ELMO1: variants seen among roughly 807,000 people sequenced by gnomAD.
ELMO1 encodes engulfment and cell motility 1, also known as engulfment and cell motility protein 1.
ELMO1 carries 26 observed loss-of-function variants against 98.9 expected under a neutral mutation model. The observed-to-expected ratio is 0.26, with a 90% confidence interval of 0.19 to 0.36. The LOEUF (loss-of-function observed/expected upper bound fraction) is 0.36, where lower values mean the gene tolerates loss of function less well. Ranked by LOEUF, ELMO1 falls within the 10% of genes least tolerant of loss-of-function variation. The pLI, the probability that ELMO1 is intolerant of heterozygous loss-of-function variation, is 1.00. For missense variants in ELMO1, 627 were observed against 935.2 expected, an observed-to-expected ratio of 0.67 and a Z score of 4.30; for synonymous variants, 346 against 346.0, an observed-to-expected ratio of 1.00 and a Z score of 0.00.
chr7:37,145,745 G>A (rs984687100), intron 13 of ELMO1, among the ~76,000 whole-genome samples: 2 of 152,220 alleles, frequency 1.3e-5, no homozygotes, highest in Non-Finnish European at 1.5e-5. Context: ...TAATATTTGT[G>A]TTATAATAGC....
intron 16 of ELMO1, among the ~76,000 whole-genome samples, chr7:36,980,387 T>A (rs1226815801): frequency 6.6e-6 from 1 of 152,176 alleles, no homozygotes; most frequent in African/African-American, 2.4e-5. Flanking sequence ...TTATTTTCAA[T>A]GGAACATGGG....
At chr7:37,229,610 G>T (rs766173019) in intron 8 of ELMO1, among the ~76,000 whole-genome samples, 1 of 152,072 alleles carries the variant, frequency 6.6e-6, no homozygotes, top group African/African-American at 2.4e-5. Context: ...GTCGATTTTT[G>T]TTGAGATAAA....
At chr7:37,070,481 G>A (rs989777199) in intron 15 of ELMO1, among the ~76,000 whole-genome samples, 5 of 152,044 alleles carry the variant, frequency 3.3e-5, no homozygotes, top group Admixed American at 6.6e-5. Context: ...CTTGATTTCC[G>A]TTGGAATTTG....
chr7:37,370,659 A>C (rs1184334750), intron 1 of ELMO1, among the ~76,000 whole-genome samples: 2 of 152,206 alleles, frequency 1.3e-5, no homozygotes, highest in Non-Finnish European at 2.9e-5. Context: ...ACCTATAAAA[A>C]GAAGGTCAAC....
At chr7:37,090,614 C>T (rs749217228) in intron 15 of ELMO1, among the ~76,000 whole-genome samples, 30 of 152,130 alleles carry the variant, frequency 2.0e-4, no homozygotes, top group African/African-American at 6.0e-4. Flanking sequence ...TTTCAACAGC[C>T]GCCTCCCACC....
intron 13 of ELMO1, among the ~76,000 whole-genome samples, chr7:37,182,307 A>C (rs1352109929): frequency 6.6e-6 from 1 of 152,174 alleles, no homozygotes; most frequent in African/African-American, 2.4e-5. Context: ...GCAATCACTC[A>C]GTGTAACAAT....
At chr7:37,295,536 AACATAC>A (rs1316910043) in intron 4 of ELMO1, among the ~76,000 whole-genome samples, 1 of 152,220 alleles carries the variant, frequency 6.6e-6, no homozygotes, top group African/African-American at 2.4e-5. Flanking sequence ...ATTAAAGATA[AACATAC>A]ACTTTGAAAC....
At chr7:37,074,699 T>C (rs1797467938) in intron 15 of ELMO1, among the ~76,000 whole-genome samples, 1 of 152,102 alleles carries the variant, frequency 6.6e-6, no homozygotes, top group Non-Finnish European at 1.5e-5. Flanking sequence ...AACCCGGCTA[T>C]GAATGTGGGG....
intron 1 of ELMO1, among the ~76,000 whole-genome samples, chr7:37,344,779 A>T (rs572066933): frequency 1.3e-5 from 2 of 152,328 alleles, no homozygotes; most frequent in East Asian, 3.9e-4. Flanking sequence ...TCTTATTGTG[A>T]GTGAGGCTGA....
intron 13 of ELMO1, among the ~76,000 whole-genome samples, chr7:37,195,392 T>C (rs1311839584): frequency 6.6e-6 from 1 of 152,260 alleles, no homozygotes; most frequent in African/African-American, 2.4e-5. Context: ...ATTTTTAGTC[T>C]AGATTAAACT....
At chr7:37,232,885 G>A (rs924163613) in intron 8 of ELMO1, among the ~76,000 whole-genome samples, 5 of 152,204 alleles carry the variant, frequency 3.3e-5, no homozygotes, top group Admixed American at 6.5e-5. Context: ...CTATGGGTGC[G>A]CACATGCAAT....
chr7:36,926,560 T>C (rs1340522595), intron 16 of ELMO1, among the ~76,000 whole-genome samples: 1 of 152,112 alleles, frequency 6.6e-6, no homozygotes, highest in African/African-American at 2.4e-5. Flanking sequence ...CACTCAGAAT[T>C]GTACTTAAAC....
rs906283550 is a variant in ELMO1 at position 37,222,816 on chromosome 7, C to T, written c.702-123G>A. ...CCCCAAAAAAAGTGAGAGAGAAAGG[C>T]AGGGCCTAGAAAATGCATTTTGCAC... On this transcript the variant is annotated intron_variant, in intron 9 of 21. Transcript: ENST00000310758. 1.0e-5 allele frequency: 8 copies of T among 786,636 alleles called. No homozygotes were observed. The East Asian group carries it at 2.1e-4, about 21-fold the overall frequency. The allele number at this position is 786,636 out of a possible 1,614,324, so 48.7% of individuals were successfully genotyped here.
rs933715295 is a variant in ELMO1, at chr7:36,967,805, C to T, written c.1437+45494G>A. Among the ~76,000 whole-genome samples the T allele has an allele frequency of 1.0e-3, 155 of 152,318 alleles. 1 individual carries two copies. Among genetic ancestry groups the T allele is most frequent in the Non-Finnish European group, 3.5e-4 (24 of 68,028 alleles). ...CCTAGCTAATATCTTCTCCCTCCAC[C>T]TCTCATTCATGCCCCTTTCAGGGAA... On this transcript the variant is annotated intron_variant, in intron 16 of 21. Coordinates refer to ENST00000310758, the MANE Select transcript of ELMO1 (RefSeq NM_014800.11).
chr7:37,144,878 A>G (rs1441278823), intron 13 of ELMO1, among the ~76,000 whole-genome samples: 1 of 152,210 alleles, frequency 6.6e-6, no homozygotes, highest in Non-Finnish European at 1.5e-5. Flanking sequence ...TTTCAGCGGA[A>G]TGATTTCAAT....
intron 13 of ELMO1, among the ~76,000 whole-genome samples, chr7:37,190,416 G>A (rs748419995): frequency 2.6e-5 from 4 of 152,018 alleles, no homozygotes; most frequent in Non-Finnish European, 2.9e-5. Flanking sequence ...CTTTCATTAC[G>A]GTCTATCAGA....
At chr7:37,089,284 C>G (rs1783943379) in intron 15 of ELMO1, among the ~76,000 whole-genome samples, 1 of 151,932 alleles carries the variant, frequency 6.6e-6, no homozygotes, top group Non-Finnish European at 1.5e-5. Context: ...TAAATATTGC[C>G]ATGGAAAGAC....
chr7:37,135,435 A>C (rs1042119861), intron 13 of ELMO1, among the ~76,000 whole-genome samples: 1 of 152,170 alleles, frequency 6.6e-6, no homozygotes, highest in African/African-American at 2.4e-5. Context: ...CAACCAGCAC[A>C]CTAAACAAAA....
At chr7:37,092,643 G>A (rs971709144) in intron 15 of ELMO1, among the ~76,000 whole-genome samples, 1 of 152,004 alleles carries the variant, frequency 6.6e-6, no homozygotes, top group African/African-American at 2.4e-5. Flanking sequence ...CCAAACTGCT[G>A]GGATTACAGG....
Sources: allele counts gnomAD v4.1 joint callset (sites outside exome capture counted in the v4.1 genomes callset), GRCh38; gene constraint gnomAD v4.1.1; transcripts MANE v1.5; gene names NCBI Gene and HGNC (gene_info 2026-07-23, HGNC 2026-07-21).